Variants in KCNQ1 observed in about 807,000 individuals in gnomAD.
KCNQ1 encodes the protein potassium voltage-gated channel subfamily KQT member 1.
A neutral mutation model predicts 72.4 loss-of-function variants in KCNQ1; 49 were observed. That is an observed-to-expected ratio of 0.68 (90% CI 0.54 to 0.86). The LOEUF is 0.86. Among genes scored for constraint, KCNQ1 ranks in the 40% least tolerant of loss-of-function variants. The probability of loss-of-function intolerance (pLI) is 0.00; values close to 1 mark genes in which losing one functional copy is unlikely to be tolerated. For missense variants in KCNQ1, 790 were observed against 945.1 expected (o/e 0.84, Z 2.15); for synonymous variants, 450 against 412.6 (o/e 1.09, Z -1.10).
At chr11:2,472,552 T>A (rs552832844) in intron 1 of KCNQ1, among the ~76,000 whole-genome samples, 1 of 152,218 alleles carries the variant, frequency 6.6e-6, no homozygotes, top group Non-Finnish European at 1.5e-5. Context: ...CTGGGCTACT[T>A]TGTGGGCTGG....
intron 1 of KCNQ1, among the ~76,000 whole-genome samples, chr11:2,465,560 G>C (rs1379716296): frequency 6.6e-6 from 1 of 151,878 alleles, no homozygotes; most frequent in African/African-American, 2.4e-5. Flanking sequence ...GTGCGTAGCA[G>C]AGCTCCCTGT....
chr11:2,584,024 G>A (rs1184072611), intron 7 of KCNQ1, among the ~76,000 whole-genome samples: 1 of 152,060 alleles, frequency 6.6e-6, no homozygotes, highest in African/African-American at 2.4e-5. Flanking sequence ...TGCATAATAT[G>A]TGTTTGTGTT....
At position 2,482,570 on chromosome 11, in the gene KCNQ1, T is replaced by C. The variant is rs1358201239; in HGVS notation, c.386+37086T>C. 2.6e-5 allele frequency among the ~76,000 whole-genome samples: 4 copies of C among 152,144 alleles called. No individual in the cohort carries two copies. The highest frequency in any genetic ancestry group is 5.9e-5 in the Non-Finnish European group (4 of 68,028). On this transcript the variant is annotated intron_variant, in intron 1 of 15. Coordinates refer to ENST00000155840, the MANE Select transcript of KCNQ1 (RefSeq NM_000218.3). The surrounding 1 kb of genome is among the most constrained non-coding windows in gnomAD (Gnocchi z 5.7). Reference sequence around the variant, plus strand: ...TGCATTTTTATGGCTCTGACACCTTTGGCCAAATCACCTTCCGGGAGTGTT... The same window carrying C: ...TGCATTTTTATGGCTCTGACACCTTCGGCCAAATCACCTTCCGGGAGTGTT...
intron 15 of KCNQ1, among the ~76,000 whole-genome samples, chr11:2,807,352 C>T (rs1847396946): frequency 6.6e-6 from 1 of 152,132 alleles, no homozygotes; most frequent in Non-Finnish European, 1.5e-5. Context: ...TATGAAAAGC[C>T]CCCGCTTTGA....
intron 11 of KCNQ1, among the ~76,000 whole-genome samples, chr11:2,701,110 C>T (rs571883475): frequency 3.4e-4 from 52 of 152,304 alleles, no homozygotes; most frequent in Non-Finnish European, 5.6e-4. Flanking sequence ...GCGAGCCAGC[C>T]GTCCCCCCAC....
intron 1 of KCNQ1, among the ~76,000 whole-genome samples, chr11:2,499,669 C>T (rs979171196): frequency 6.6e-6 from 1 of 151,736 alleles, no homozygotes; most frequent in Admixed American, 6.6e-5. Context: ...AGTAGCTATA[C>T]TTGTATTAGG....
intron 11 of KCNQ1, among the ~76,000 whole-genome samples, chr11:2,729,297 C>T (rs1317098722): frequency 1.3e-5 from 2 of 152,362 alleles, no homozygotes; most frequent in Middle Eastern, 3.4e-3. Flanking sequence ...CTCTGTGCCT[C>T]GGTGCCCACA....
At position 2,691,792 on chromosome 11, in the gene KCNQ1, A is replaced by G. The variant is rs1271080545; in HGVS notation, c.1514+29711A>G. ...GGCCAGTGGCCATCCACTGCCAGCA[A>G]TCAGAGAATCACAAGCACTGGATCC... On this transcript the variant is annotated intron_variant, in intron 11 of 15. Transcript: ENST00000155840. This position sits in a 1 kb window ranked among gnomAD's most constrained non-coding sequence, Gnocchi z 6.4. The G allele has an allele frequency of 5.0e-6, 2 of 398,524 alleles. No individual in the cohort carries two copies. The highest frequency in any genetic ancestry group is 4.4e-5 in the Admixed American group (1 of 22,722). The allele number at this position is 398,524 out of a possible 1,614,324, so 24.7% of individuals were successfully genotyped here. A position where few individuals can be genotyped will look rare whatever the true frequency, so the allele number is the denominator to read the frequency against.
chr11:2,848,185 G>T lies in KCNQ1; in HGVS notation c.*182G>T, dbSNP rs530238663. ...AGCCTGCACTTGGGGGCTCAGCAAG[G>T]CCACCTCTTCCTGGCCGGTGTGGGG... On this transcript the variant is annotated 3_prime_UTR_variant, in exon 16 of 16. Coordinates refer to ENST00000155840, the MANE Select transcript of KCNQ1 (RefSeq NM_000218.3). The T allele has an allele frequency of 4.3e-6, 3 of 703,742 alleles. No homozygotes were observed. Among genetic ancestry groups the T allele is most frequent in the Non-Finnish European group, 5.0e-6 (2 of 398,864 alleles). 43.6% of individuals were successfully genotyped at this position (703,742 alleles called of 1,614,324 possible).
chr11:2,800,139 T>C (rs570679252), intron 15 of KCNQ1, among the ~76,000 whole-genome samples: 1 of 152,244 alleles, frequency 6.6e-6, no homozygotes, highest in South Asian at 2.1e-4. Flanking sequence ...CTGCCCTGTC[T>C]CCAGAGCCCA....
intron 15 of KCNQ1, among the ~76,000 whole-genome samples, chr11:2,804,290 G>A (rs984141678): frequency 1.3e-5 from 2 of 152,084 alleles, no homozygotes; most frequent in African/African-American, 2.4e-5. Context: ...CTCCTGCAAC[G>A]TCATTTTGCA....
rs1370620870 is a variant in KCNQ1, at chr11:2,708,408, C to G, written c.1514+46327C>G. ...GCTGGCGTTTCTGTTTTGCTCCCTG[C>G]TCCTTTCTTTTCTTTGTAACTTCTC... On this transcript the variant is annotated intron_variant, in intron 11 of 15. Transcript: ENST00000155840. 2.0e-5 allele frequency among the ~76,000 whole-genome samples: 3 copies of G among 152,338 alleles called. No individual in the cohort carries two copies. In the East Asian group the frequency reaches 5.8e-4, roughly 29 times the overall value.
At chr11:2,706,309 G>A (rs1276963359) in intron 11 of KCNQ1, among the ~76,000 whole-genome samples, 1 of 152,232 alleles carries the variant, frequency 6.6e-6, no homozygotes, top group Non-Finnish European at 1.5e-5. Context: ...AGCCACCATG[G>A]TGTGAGGACA....
At chr11:2,618,885 G>C (rs918342847) in intron 10 of KCNQ1, 4 of 398,032 alleles carry the variant, frequency 1.0e-5, no homozygotes, top group African/African-American at 4.1e-5. Context: ...TCAGTGTACA[G>C]GTCTTTCATC....
In KCNQ1 at chr11:2,608,582, C is replaced by A. The variant is rs899706095; in HGVS notation, c.1393+19728C>A. 1.5e-5 allele frequency: 6 copies of A among 398,394 alleles called. No individual in the cohort carries two copies. Among genetic ancestry groups the A allele is most frequent in the African/African-American group, 6.2e-5 (3 of 48,580 alleles). 24.7% of individuals were successfully genotyped at this position (398,394 alleles called of 1,614,324 possible). On this transcript the variant is annotated intron_variant, in intron 10 of 15. Transcript: ENST00000155840. The surrounding 1 kb of genome is among the most constrained non-coding windows in gnomAD (Gnocchi z 4.6). Reference sequence around the variant, plus strand: ...CCTCGATCTCCTAGTCTCAAGTGATCCTTGCCCCTTAGCCTATGACAGGTG... The same window carrying A: ...CCTCGATCTCCTAGTCTCAAGTGATACTTGCCCCTTAGCCTATGACAGGTG...
chr11:2,630,871 T>A (rs1281635686), intron 10 of KCNQ1: 2 of 398,376 alleles, frequency 5.0e-6, no homozygotes, highest in East Asian at 3.6e-5. Context: ...TAGATGGCAG[T>A]TTTTTATCTT....
intron 2 of KCNQ1, among the ~76,000 whole-genome samples, chr11:2,558,952 C>T (rs1848115113): frequency 6.6e-6 from 1 of 152,148 alleles, no homozygotes; most frequent in Non-Finnish European, 1.5e-5. Context: ...TCCCCCACTA[C>T]ACCCACACAT....
At position 2,478,556 on chromosome 11, in the gene KCNQ1, AT is replaced by A. The variant is rs1269542252; in HGVS notation, c.386+33074del. Reference sequence around the variant, plus strand: ...AAAACCATCAGATCTCGTGAGACTTATTCATTACCATGAGAACAGCATGGAG... The same window carrying A: ...AAAACCATCAGATCTCGTGAGACTTATCATTACCATGAGAACAGCATGGAG... On this transcript the variant is annotated intron_variant, in intron 1 of 15. Transcript: ENST00000155840. The surrounding 1 kb of genome is among the most constrained non-coding windows in gnomAD (Gnocchi z 4.0). Among the ~76,000 whole-genome samples, 1 of 152,170 alleles carries A rather than the reference AT, an allele frequency of 6.6e-6. No homozygotes were observed. Among genetic ancestry groups the A allele is most frequent in the Non-Finnish European group, 1.5e-5 (1 of 68,040 alleles).
At position 2,847,965 on chromosome 11, in the gene KCNQ1, C is replaced by A; in HGVS notation, c.1993C>A (p.Leu665Met). 1.3e-6 allele frequency: 2 copies of A among 1,560,432 alleles called. No homozygotes were observed. Among genetic ancestry groups the A allele is most frequent in the East Asian group, 2.4e-5 (1 of 42,334 alleles). The part of the protein sequence containing the change: ...PSNTLPTYEQ[L>M]TVPRRGPDEG... ...CAACACCCTGCCCACCTACGAGCAG[C>A]TGACCGTGCCCAGGAGGGGCCCCGA... Residue 665 changes from leucine to methionine, a missense_variant, in exon 16 of 16, where the codon CTG (leucine) becomes ATG (methionine). Leu to Met is a conservative substitution (Grantham distance 15). This residue lies in a region of KCNQ1 where 94 missense variants were observed against 85.2 expected (regional missense o/e 1.10). Coordinates refer to ENST00000155840, the MANE Select transcript of KCNQ1 (RefSeq NM_000218.3).
Sources: gnomAD v4.1 joint callset for allele counts (sites outside exome capture counted in the v4.1 genomes callset) on GRCh38, gnomAD v4.1.1 for gene constraint, gnomAD v4.1.1 regional missense constraint, Gnocchi (gnomAD v3.1) non-coding constraint, MANE v1.5 for transcripts, NCBI Gene and HGNC (gene_info 2026-07-23, HGNC 2026-07-21) for gene names.